PRKAR1A: variants seen among roughly 807,000 people sequenced by gnomAD.
PRKAR1A encodes the protein protein kinase cAMP-dependent type I regulatory subunit alpha, also known as cAMP-dependent protein kinase type I-alpha regulatory subunit.
PRKAR1A carries 3 observed loss-of-function variants against 52.0 expected under a neutral mutation model. The ratio of observed to expected loss-of-function variants is 0.06; its 90% CI spans 0.03 to 0.15. PRKAR1A has a LOEUF of 0.15. Among genes scored for constraint, PRKAR1A ranks in the 10% least tolerant of loss-of-function variants. PRKAR1A has a pLI of 1.00. For missense variants in PRKAR1A, 240 were observed against 477.4 expected (o/e 0.50, Z 4.63); for synonymous variants, 188 against 168.4 (o/e 1.12, Z -0.90).
chr17:68,547,801 G>C (rs369977568), intron 11 of PRKAR1A, among the ~76,000 whole-genome samples: 6 of 152,332 alleles, frequency 3.9e-5, no homozygotes, highest in African/African-American at 9.6e-5. Context: ...GTGTTTAGTG[G>C]AGCAGCGCTT....
exon 12 of PRKAR1A, chr17:68,551,195 C>T: frequency 1.8e-5 from 20 of 1,122,464 alleles, no homozygotes; most frequent in Non-Finnish European, 1.9e-5. Flanking sequence ...GAAACCCAAA[C>T]TCACACCAAG....
At chr17:68,439,682 T>C in the PRKAR1A span, among the ~76,000 whole-genome samples, 1 of 152,220 alleles carries the variant, frequency 6.6e-6, no homozygotes, top group African/African-American at 2.4e-5. Flanking sequence ...TTCAGGAATA[T>C]TTATCTGGTT....
Position 68,532,808 on chromosome 17 carries a change from C to CCT in PRKAR1A, c.*2366_*2367dup. The CCT allele has an allele frequency of 9.4e-7, 1 of 1,066,444 alleles. No individual in the cohort carries two copies. The highest frequency in any genetic ancestry group is 1.1e-6 in the Non-Finnish European group (1 of 879,788). 66.1% of individuals were successfully genotyped at this position (1,066,444 alleles called of 1,614,324 possible). ...TCTTCCCTTTCTCCTTTCCGTCTTT[C>CCT]CTCTCTCTGTCCTTCCCCGAAAGTC... On this transcript the variant is annotated 3_prime_UTR_variant, in exon 11 of 11. Coordinates refer to ENST00000589228, the MANE Select transcript of PRKAR1A (RefSeq NM_002734.5).
At chr17:68,512,308 CA>C (rs549592173), upstream of PRKAR1A, 58 of 153,312 alleles carry the variant, frequency 3.8e-4, no homozygotes, top group Middle Eastern at 3.4e-3. Context: ...CAAGAGCGAC[CA>C]GGGGGGAGGA....
At chr17:68,440,058 CT>C in the PRKAR1A span, among the ~76,000 whole-genome samples, 1 of 152,182 alleles carries the variant, frequency 6.6e-6, no homozygotes, top group East Asian at 1.9e-4. Flanking sequence ...TATTATAGAA[CT>C]GGTTGACACT....
chr17:68,427,443 G>T, the PRKAR1A span: 2 of 413,652 alleles, frequency 4.8e-6, no homozygotes, highest in Non-Finnish European at 8.8e-6. Flanking sequence ...TGCAACCTCC[G>T]CCTCCTGGGT....
chr17:68,457,771 C>A, the PRKAR1A span, among the ~76,000 whole-genome samples: 131 of 152,242 alleles, frequency 8.6e-4, no homozygotes, highest in Middle Eastern at 3.4e-3. Flanking sequence ...CGGACCCGCC[C>A]GGCTGGCGAC....
chr17:68,547,819 C>T (rs898609935), intron 11 of PRKAR1A, among the ~76,000 whole-genome samples: 1 of 152,206 alleles, frequency 6.6e-6, no homozygotes, highest in Admixed American at 6.5e-5. Flanking sequence ...CTTTTAGCTT[C>T]CTTCAAGAAC....
At chr17:68,455,424 C>T in the PRKAR1A span, among the ~76,000 whole-genome samples, 4 of 150,862 alleles carry the variant, frequency 2.7e-5, no homozygotes, top group Non-Finnish European at 4.4e-5. Flanking sequence ...GAAGTATGAG[C>T]GTAGGGGACT....
At chr17:68,504,496 G>A in the PRKAR1A span, among the ~76,000 whole-genome samples, 1 of 152,134 alleles carries the variant, frequency 6.6e-6, no homozygotes, top group Non-Finnish European at 1.5e-5. Context: ...AATACATAAT[G>A]GAGTACTATT....
At chr17:68,477,350 A>G in the PRKAR1A span, among the ~76,000 whole-genome samples, 1 of 152,120 alleles carries the variant, frequency 6.6e-6, no homozygotes, top group African/African-American at 2.4e-5. Flanking sequence ...TGTAAATTTT[A>G]TTCACTTCAG....
downstream of PRKAR1A, chr17:68,535,044 C>T: frequency 3.1e-6 from 1 of 318,580 alleles, no homozygotes; most frequent in Non-Finnish European, 6.2e-6. Context: ...CGAATTCTTC[C>T]AAATGCCTCT....
intron 2 of PRKAR1A, among the ~76,000 whole-genome samples, chr17:68,517,320 T>G (rs1198471308): frequency 6.6e-6 from 1 of 152,204 alleles, no homozygotes; most frequent in Non-Finnish European, 1.5e-5. Flanking sequence ...TAGGTGTTAA[T>G]TTGTATGTTA....
chr17:68,425,091 G>C, the PRKAR1A span, among the ~76,000 whole-genome samples: 1 of 152,208 alleles, frequency 6.6e-6, no homozygotes, highest in African/African-American at 2.4e-5. Flanking sequence ...CACTCAGCCA[G>C]CCCCGAGGGC....
chr17:68,477,569 A>G, the PRKAR1A span, among the ~76,000 whole-genome samples: 2 of 152,140 alleles, frequency 1.3e-5, no homozygotes, highest in African/African-American at 4.8e-5. Context: ...TTATTTCCAT[A>G]TTATTCAACC....
chr17:68,522,817 A>G lies in PRKAR1A; in HGVS notation c.239A>G (p.Asp80Gly), dbSNP rs2085658587. 6.2e-7 allele frequency: 1 copy of G among 1,614,070 alleles called. No homozygotes were observed. ...KAGTRTDSREDEISPPPPNPV... is the reference protein window; with the variant it reads ...KAGTRTDSREGEISPPPPNPV... ...GGCACTCGTACAGACTCAAGGGAGG[A>G]TGAGATTTCTCCTCCTCCACCCAAC... The change falls in exon 3 of 11, where the codon GAT (aspartate) becomes GGT (glycine). Residue 80 changes from aspartate (D) to glycine (G), a missense_variant. Physicochemically the swap from Asp to Gly is moderately conservative, Grantham distance 94 (BLOSUM62 -1). This residue lies in a region of PRKAR1A where 107 missense variants were observed against 114.6 expected (regional missense o/e 0.93). Coordinates refer to ENST00000589228, the MANE Select transcript of PRKAR1A (RefSeq NM_002734.5).
At chr17:68,522,947 T>G in intron 3 of PRKAR1A, 21 bp downstream of exon 3, 1 of 1,612,334 alleles carries the variant, frequency 6.2e-7, no homozygotes, top group East Asian at 2.2e-5. Flanking sequence ...TATTTGAATA[T>G]CGGGGGGATG....
rs372864017 is a variant in PRKAR1A, at chr17:68,539,946, A to G, written c.973+9945A>G. On this transcript the variant is annotated intron_variant, in intron 11 of 11. Coordinates refer to the PRKAR1A transcript ENST00000585981. ...TCCCCGAACTTGGTGAACATCTCAT[A>G]ATGGTGCCGGTCCATATTCCCTGTG... The G allele has an allele frequency of 5.1e-4, 829 of 1,614,144 alleles. 12 individuals are homozygous for G. In the South Asian group the frequency reaches 7.4e-3, roughly 14 times the overall value.
At chr17:68,420,553 G>A in the PRKAR1A span, 16 of 1,422,858 alleles carry the variant, frequency 1.1e-5, no homozygotes, top group Middle Eastern at 3.6e-4. Flanking sequence ...ACAAACACAC[G>A]CTTTAGTTTA....
Sources: gnomAD v4.1 joint callset for allele counts (sites outside exome capture counted in the v4.1 genomes callset) on GRCh38, gnomAD v4.1.1 for gene constraint, gnomAD v4.1.1 regional missense constraint, MANE v1.5 for transcripts, NCBI Gene and HGNC (gene_info 2026-07-23, HGNC 2026-07-21) for gene names.